Variants in MCU observed in about 807,000 individuals in gnomAD.
MCU encodes mitochondrial calcium uniporter.
Under a neutral mutation model 45.2 loss-of-function variants are expected in MCU, and 12 were observed. The ratio of observed to expected loss-of-function variants is 0.27; its 90% CI spans 0.17 to 0.43. The LOEUF (loss-of-function observed/expected upper bound fraction) is 0.43, where lower values mean the gene tolerates loss of function less well. Among genes scored for constraint, MCU ranks in the 20% least tolerant of loss-of-function variants. The pLI, the probability that MCU is intolerant of heterozygous loss-of-function variation, is 1.00. For missense variants in MCU, 324 were observed against 436.7 expected (o/e 0.74, Z 2.30); for synonymous variants, 160 against 165.1 (o/e 0.97, Z 0.24).
intron 2 of MCU, among the ~76,000 whole-genome samples, chr10:72,841,378 A>G (rs1185139117): frequency 6.6e-6 from 1 of 151,866 alleles, no homozygotes; most frequent in African/African-American, 2.4e-5. Flanking sequence ...GCTCACTGCA[A>G]CCTCCTTCTC....
intron 1 of MCU, among the ~76,000 whole-genome samples, chr10:72,711,754 C>A (rs1157711954): frequency 6.8e-6 from 1 of 147,506 alleles, no homozygotes; most frequent in African/African-American, 2.5e-5. Flanking sequence ...CTCTGTCCCC[C>A]AGGCTGGAGT....
intron 1 of MCU, among the ~76,000 whole-genome samples, chr10:72,783,941 A>C (rs1844033455): frequency 6.6e-6 from 1 of 152,198 alleles, no homozygotes. Flanking sequence ...GCTTATTAGG[A>C]AGTCTAGAGC....
At chr10:72,716,770 G>A (rs1370919325) in intron 1 of MCU, among the ~76,000 whole-genome samples, 3 of 151,940 alleles carry the variant, frequency 2.0e-5, no homozygotes, top group African/African-American at 7.3e-5. Flanking sequence ...TACTCGGGAG[G>A]CTGAGGTGAA....
chr10:72,770,876 A>G (rs1034374173), intron 1 of MCU, among the ~76,000 whole-genome samples: 4 of 152,156 alleles, frequency 2.6e-5, no homozygotes, highest in South Asian at 2.1e-4. Flanking sequence ...TTTTATAACT[A>G]TAATTGCCTT....
rs1000920283 is a variant in MCU at position 72,887,005 on chromosome 10, T to G, written c.*1183T>G. On this transcript the variant is annotated 3_prime_UTR_variant, in exon 8 of 8. Coordinates refer to ENST00000373053, the MANE Select transcript of MCU (RefSeq NM_138357.3). ...ATTGAGAGAAAGAGAATTAATCTTATACTTTGTCAAAACATTTTCTACCAT... is the reference window on the plus strand; with the variant it reads ...ATTGAGAGAAAGAGAATTAATCTTAGACTTTGTCAAAACATTTTCTACCAT... The G allele has an allele frequency of 7.2e-5, 11 of 152,394 alleles. No individual in the cohort carries two copies. The highest frequency in any genetic ancestry group is 2.4e-4 in the African/African-American group (10 of 41,466). The allele number at this position is 152,394 out of a possible 1,614,324, so 9.4% of individuals were successfully genotyped here.
chr10:72,741,840 A>G (rs528241854), intron 1 of MCU, among the ~76,000 whole-genome samples: 1 of 152,172 alleles, frequency 6.6e-6, no homozygotes, highest in Non-Finnish European at 1.5e-5. Context: ...CATCCTGGCT[A>G]AGACGGTGAA....
chr10:72,756,591 A>C (rs1167074543), intron 1 of MCU: 1 of 152,070 alleles, frequency 6.6e-6, no homozygotes, highest in Non-Finnish European at 1.5e-5. Flanking sequence ...TGGTCAGTAC[A>C]CCTTCTGATT....
In MCU at chr10:72,878,078, CTAAACCT is replaced by C. The variant is rs1424559953; in HGVS notation, c.862-6183_862-6177del. 6.5e-5 allele frequency among the ~76,000 whole-genome samples: 9 copies of C among 137,668 alleles called. No individual in the cohort carries two copies. The South Asian group carries it at 1.2e-3, about 19-fold the overall frequency. 90.3% of individuals were successfully genotyped at this position (137,668 alleles called of 152,430 possible). A position where few individuals can be genotyped will look rare whatever the true frequency, so the allele number is the denominator to read the frequency against. ...ATCCCTGGGAGGAGATAACATTATT[CTAAACCT>C]TAAATTATTTCTACAAATAATTTTG... On this transcript the variant is annotated intron_variant, in intron 6 of 7. Coordinates refer to ENST00000373053, the MANE Select transcript of MCU (RefSeq NM_138357.3).
In MCU at chr10:72,883,589, A is replaced by G. The variant is rs146224662; in HGVS notation, c.862-677A>G. Among the ~76,000 whole-genome samples, 222 of 152,328 alleles carry G rather than the reference A, an allele frequency of 1.5e-3. 2 individuals are homozygous for G. Among genetic ancestry groups the G allele is most frequent in the African/African-American group, 4.9e-3 (203 of 41,570 alleles). On this transcript the variant is annotated intron_variant, in intron 6 of 7. Coordinates refer to ENST00000373053, the MANE Select transcript of MCU (RefSeq NM_138357.3). Reference sequence around the variant, plus strand: ...GAACACATGCATACCCTGTGATCTAAGATTTCCACTCCTAGGTATATCTCC... The same window carrying G: ...GAACACATGCATACCCTGTGATCTAGGATTTCCACTCCTAGGTATATCTCC...
At chr10:72,861,995 T>G (rs985661997) in intron 4 of MCU, among the ~76,000 whole-genome samples, 5 of 150,262 alleles carry the variant, frequency 3.3e-5, no homozygotes, top group Admixed American at 6.6e-5. Context: ...TTTTTTTTTT[T>G]TTTTGAGACT....
In MCU at chr10:72,692,630, A is replaced by G. The variant is rs1461152632; in HGVS notation, c.150+329A>G. 3 of 1,114,824 alleles carry G rather than the reference A, an allele frequency of 2.7e-6. No homozygotes were observed. The African/African-American group carries it at 4.9e-5, about 18-fold the overall frequency. The allele number at this position is 1,114,824 out of a possible 1,614,324, so 69.1% of individuals were successfully genotyped here. On this transcript the variant is annotated intron_variant, in intron 1 of 7. Transcript: ENST00000373053. ...GCGTTCCCTCCCTTCTTCGTTCTTA[A>G]CAGCCCTGCCCCAAGGCTCCCTGAA...
At chr10:72,862,228 G>A (rs577339608) in intron 4 of MCU, among the ~76,000 whole-genome samples, 79 of 152,018 alleles carry the variant, frequency 5.2e-4, no homozygotes, top group African/African-American at 1.7e-3. Context: ...TGATCTGCCC[G>A]CCTCGGCCTC....
intron 1 of MCU, among the ~76,000 whole-genome samples, chr10:72,763,381 A>G (rs1208251115): frequency 6.6e-6 from 1 of 152,134 alleles, no homozygotes; most frequent in African/African-American, 2.4e-5. Context: ...CTGGGTCTCA[A>G]ACTGGGTGAA....
intron 1 of MCU, among the ~76,000 whole-genome samples, chr10:72,765,161 GCCC>G (rs912042252): frequency 6.6e-6 from 1 of 151,696 alleles, no homozygotes; most frequent in African/African-American, 2.4e-5. Flanking sequence ...TTGTGTTTTG[GCCC>G]TTAACCTCGG....
intron 6 of MCU, 107 bp from the exon 7 acceptor site, chr10:72,884,157 CAT>C (rs1275842224): frequency 2.9e-6 from 2 of 694,608 alleles, no homozygotes; most frequent in Non-Finnish European, 5.2e-6. Context: ...TAACACAGCA[CAT>C]GTCAGCACAC....
At chr10:72,751,160 C>T (rs1396515561) in intron 1 of MCU, among the ~76,000 whole-genome samples, 1 of 151,372 alleles carries the variant, frequency 6.6e-6, no homozygotes, top group African/African-American at 2.4e-5. Flanking sequence ...GCCACCATAC[C>T]TGGCTAATTT....
intron 1 of MCU, among the ~76,000 whole-genome samples, chr10:72,707,130 G>C (rs1325708057): frequency 1.3e-5 from 2 of 151,624 alleles, no homozygotes; most frequent in Admixed American, 6.6e-5. Flanking sequence ...ACACCTGGGC[G>C]GACTGCAATA....
In MCU at chr10:72,805,101, C is replaced by CTTTCTTTCTTTCTT. The variant is rs1554824914; in HGVS notation, c.151-29257_151-29256insTTCTTTCTTTCTTT. ...TGTTTCTTTCTTTCTTTCTTTCTTT[C>CTTTCTTTCTTTCTT]TCTTTCTTTCTTTCTTTCTTTCTTT... On this transcript the variant is annotated intron_variant, in intron 1 of 7. Transcript: ENST00000373053. Among the ~76,000 whole-genome samples, 109 of 103,432 alleles carry CTTTCTTTCTTTCTT rather than the reference C, an allele frequency of 1.1e-3. 2 individuals are homozygous for CTTTCTTTCTTTCTT. Among genetic ancestry groups the CTTTCTTTCTTTCTT allele is most frequent in the African/African-American group, 3.8e-3 (89 of 23,294 alleles). The allele number at this position is 103,432 out of a possible 152,430, so 67.9% of individuals were successfully genotyped here.
chr10:72,874,132 GA>G (rs1845586354), intron 6 of MCU, among the ~76,000 whole-genome samples: 2 of 152,130 alleles, frequency 1.3e-5, no homozygotes, highest in Non-Finnish European at 2.9e-5. Context: ...CTATTTCTGT[GA>G]AGAGTATAAT....
Sources: allele counts gnomAD v4.1 joint callset (sites outside exome capture counted in the v4.1 genomes callset), GRCh38; gene constraint gnomAD v4.1.1; transcripts MANE v1.5; gene names NCBI Gene and HGNC (gene_info 2026-07-23, HGNC 2026-07-21).